ANO3: variants seen among roughly 807,000 people sequenced by gnomAD.
ANO3 encodes the protein anoctamin 3.
Under a neutral mutation model 144.8 loss-of-function variants are expected in ANO3, and 99 were observed. The ratio of observed to expected loss-of-function variants is 0.68; its 90% CI spans 0.58 to 0.81. The LOEUF (loss-of-function observed/expected upper bound fraction) is 0.81, where lower values mean the gene tolerates loss of function less well. Among genes scored for constraint, ANO3 ranks in the 30% least tolerant of loss-of-function variants. The probability of loss-of-function intolerance (pLI) is 0.00; values close to 1 mark genes in which losing one functional copy is unlikely to be tolerated. For synonymous variants in ANO3, 414 were observed against 392.6 expected (o/e 1.05, Z -0.64); for missense variants, 905 against 1,202.2 (o/e 0.75, Z 3.66).
intron 1 of ANO3, among the ~76,000 whole-genome samples, chr11:26,407,025 G>GGT (rs1162458644): frequency 2.8e-5 from 3 of 106,418 alleles, no homozygotes; most frequent in African/African-American, 9.7e-5. Flanking sequence ...TATATATATA[G>GGT]GTGTGTGTGT....
chr11:26,515,425 C>T (rs527940342), intron 5 of ANO3, among the ~76,000 whole-genome samples: 2 of 151,746 alleles, frequency 1.3e-5, no homozygotes, highest in South Asian at 2.1e-4. Flanking sequence ...GGAATGAGCC[C>T]CCACTTGTTT....
intron 14 of ANO3, among the ~76,000 whole-genome samples, chr11:26,583,615 C>G (rs890253307): frequency 2.0e-5 from 3 of 152,148 alleles, no homozygotes; most frequent in Non-Finnish European, 4.4e-5. Context: ...CCAAAAAGAC[C>G]GAGGAATTTT....
At chr11:26,226,695 A>G (rs1158524268) in intron 1 of ANO3, among the ~76,000 whole-genome samples, 2 of 152,182 alleles carry the variant, frequency 1.3e-5, no homozygotes, top group East Asian at 1.9e-4. Flanking sequence ...CTGTTTTTCA[A>G]TTATTAGATA....
chr11:26,536,096 G>A (rs901458723), intron 9 of ANO3, among the ~76,000 whole-genome samples: 4 of 146,582 alleles, frequency 2.7e-5, no homozygotes, highest in Admixed American at 7.0e-5. Context: ...AAGGTGGCTC[G>A]ATCACCTGAG....
chr11:26,584,198 C>T (rs953449154), intron 14 of ANO3, among the ~76,000 whole-genome samples: 3 of 152,034 alleles, frequency 2.0e-5, no homozygotes, highest in African/African-American at 4.8e-5. Context: ...CTCACTCTAT[C>T]GCCAGGCTGG....
intron 1 of ANO3, among the ~76,000 whole-genome samples, chr11:26,410,957 A>G (rs2133985678): frequency 6.6e-6 from 1 of 151,992 alleles, no homozygotes; most frequent in East Asian, 1.9e-4. Context: ...GCCCTGGGCT[A>G]TGGGATTTCC....
chr11:26,219,472 T>C (rs1184116120), intron 1 of ANO3, among the ~76,000 whole-genome samples: 3 of 152,120 alleles, frequency 2.0e-5, no homozygotes, highest in African/African-American at 4.8e-5. Flanking sequence ...TATGGTTAAG[T>C]AAACAAAGCT....
At position 26,598,865 on chromosome 11, in the gene ANO3, T is replaced by A; in HGVS notation, c.1538T>A (p.Leu513His). 1 of 1,613,094 alleles carries A rather than the reference T, an allele frequency of 6.2e-7. No homozygotes were observed. The highest frequency in any genetic ancestry group is 1.1e-5 in the South Asian group (1 of 90,816). ...LIEWEEEEET[L>H]RPQFEAKYYK... is the part of the protein sequence containing the mutation. ...CTTTCGTTTCTCTCATAGGAAACACTTCGTCCCCAGTTTGAAGCCAAGTAT... is the reference window on the plus strand; with the variant it reads ...CTTTCGTTTCTCTCATAGGAAACACATCGTCCCCAGTTTGAAGCCAAGTAT... Residue 513 changes from leucine (L) to histidine (H), a missense_variant, in exon 16 of 27, where the codon CTT becomes CAT. This residue lies in a region of ANO3 where 597 missense variants were observed against 865.1 expected (regional missense o/e 0.69). Transcript: ENST00000256737.
intron 1 of ANO3, among the ~76,000 whole-genome samples, chr11:26,300,893 GC>G (rs1295560781): frequency 3.6e-5 from 4 of 112,350 alleles, no homozygotes; most frequent in African/African-American, 1.4e-4. Context: ...TCACTCTGTT[GC>G]CCAGGCTGAA....
At chr11:26,642,121 T>G in intron 22 of ANO3, 92 bp downstream of exon 22, 8 of 1,423,242 alleles carry the variant, frequency 5.6e-6, no homozygotes, top group South Asian at 1.3e-5. Flanking sequence ...AAATTATCTC[T>G]TTCCTTTCCA....
At chr11:26,647,948 G>A in intron 24 of ANO3, 92 bp downstream of exon 24, 17 of 1,267,196 alleles carry the variant, frequency 1.3e-5, no homozygotes, top group Non-Finnish European at 1.8e-5. Flanking sequence ...TGACCATTAA[G>A]GGTGGTGTTT....
chr11:26,538,270 G>A (rs1849560635), intron 10 of ANO3, among the ~76,000 whole-genome samples: 1 of 152,128 alleles, frequency 6.6e-6, no homozygotes, highest in South Asian at 2.1e-4. Flanking sequence ...ATAGGTAACT[G>A]AGGTACAGAA....
intron 1 of ANO3, among the ~76,000 whole-genome samples, chr11:26,194,731 A>G (rs1175414499): frequency 6.6e-6 from 1 of 151,488 alleles, no homozygotes; most frequent in Non-Finnish European, 1.5e-5. Flanking sequence ...CACCTGGCTA[A>G]TTTTTTGTAT....
At chr11:26,604,108 C>A (rs1252746810) in intron 17 of ANO3, among the ~76,000 whole-genome samples, 1 of 152,104 alleles carries the variant, frequency 6.6e-6, no homozygotes, top group African/African-American at 2.4e-5. Flanking sequence ...CCTCCCCTCC[C>A]CAACCCAGTA....
At chr11:26,524,822 C>A (rs1461662651) in intron 6 of ANO3, among the ~76,000 whole-genome samples, 1 of 152,132 alleles carries the variant, frequency 6.6e-6, no homozygotes, top group Non-Finnish European at 1.5e-5. Flanking sequence ...TCAGGATCCT[C>A]AACTTTTAGT....
intron 1 of ANO3, among the ~76,000 whole-genome samples, chr11:26,372,470 G>A (rs965093423): frequency 2.0e-5 from 3 of 152,092 alleles, no homozygotes; most frequent in Non-Finnish European, 2.9e-5. Flanking sequence ...TAACCTAAAC[G>A]AAGAATTGTT....
At position 26,533,703 on chromosome 11, in the gene ANO3, G is replaced by A. The variant is rs146632016; in HGVS notation, c.870-753G>A. 2.6e-5 allele frequency among the ~76,000 whole-genome samples: 4 copies of A among 152,214 alleles called. No homozygotes were observed. In the East Asian group the frequency reaches 7.7e-4, roughly 29 times the overall value. On this transcript the variant is annotated intron_variant, in intron 8 of 26. Transcript: ENST00000256737. ...GCAATGAGACCCAGAACAAAAAGCT[G>A]GAGAGAGACAGTTTAGTCAGAAAAG... is the stretch of plus-strand genomic sequence containing the variant.
intron 1 of ANO3, among the ~76,000 whole-genome samples, chr11:26,352,763 G>T (rs1379092894): frequency 2.0e-5 from 3 of 152,086 alleles, no homozygotes; most frequent in African/African-American, 7.2e-5. Flanking sequence ...TATTTTGTAG[G>T]TATGTATTCT....
intron 1 of ANO3, among the ~76,000 whole-genome samples, chr11:26,266,219 A>T (rs1853303647): frequency 6.6e-6 from 1 of 152,042 alleles, no homozygotes; most frequent in South Asian, 2.1e-4. Context: ...CATACACAGC[A>T]TTCAGTTTCT....
Sources: gnomAD v4.1 joint callset for allele counts (sites outside exome capture counted in the v4.1 genomes callset) on GRCh38, gnomAD v4.1.1 for gene constraint, gnomAD v4.1.1 regional missense constraint, MANE v1.5 for transcripts, NCBI Gene and HGNC (gene_info 2026-07-23, HGNC 2026-07-21) for gene names.